IL12RB2: variants seen among roughly 807,000 people sequenced by gnomAD.
IL12RB2 encodes the protein interleukin-12 receptor subunit beta-2.
Under a neutral mutation model 89.4 loss-of-function variants are expected in IL12RB2, and 82 were observed. The ratio of observed to expected loss-of-function variants is 0.92; its 90% CI spans 0.77 to 1.10. The LOEUF (loss-of-function observed/expected upper bound fraction) is 1.10. Among genes scored for constraint, IL12RB2 ranks in the 50% least tolerant of loss-of-function variants. The pLI, the probability that IL12RB2 is intolerant of heterozygous loss-of-function variation, is 0.00. For synonymous variants in IL12RB2, 368 were observed against 370.1 expected, an observed-to-expected ratio of 0.99 and a Z score of 0.07; for missense variants, 963 against 1,031.9, an observed-to-expected ratio of 0.93 and a Z score of 0.92.
At chr1:67,310,232 A>C (rs1340169284) in intron 1 of IL12RB2, among the ~76,000 whole-genome samples, 2 of 148,174 alleles carry the variant, frequency 1.3e-5, no homozygotes, top group Admixed American at 6.7e-5. Context: ...AGGAAGTCTT[A>C]TACAATTTCC....
At chr1:67,386,354 G>C (rs1665144143) in intron 14 of IL12RB2, among the ~76,000 whole-genome samples, 1 of 152,100 alleles carries the variant, frequency 6.6e-6, no homozygotes, top group Non-Finnish European at 1.5e-5. Flanking sequence ...CTGACCCTGT[G>C]AGTCGGAGGA....
chr1:67,394,968 G>C (rs1310093109), intron 16 of IL12RB2, among the ~76,000 whole-genome samples: 1 of 152,148 alleles, frequency 6.6e-6, no homozygotes, highest in Non-Finnish European at 1.5e-5. Flanking sequence ...AGTATAGCTT[G>C]GTTCACATTA....
chr1:67,320,549 G>C (rs1012732741), intron 3 of IL12RB2, 105 bp downstream of exon 3: 1 of 1,578,006 alleles, frequency 6.3e-7, no homozygotes, highest in African/African-American at 1.3e-5. Flanking sequence ...TTGGTCTTTT[G>C]TAGTCAATCT....
At chr1:67,358,515 G>T (rs1311182696) in intron 10 of IL12RB2, among the ~76,000 whole-genome samples, 1 of 152,066 alleles carries the variant, frequency 6.6e-6, no homozygotes, top group Non-Finnish European at 1.5e-5. Context: ...GACACATGTT[G>T]CAGTGAGCCA....
chr1:67,308,867 A>C (rs1297535650), intron 1 of IL12RB2, among the ~76,000 whole-genome samples: 2 of 152,088 alleles, frequency 1.3e-5, no homozygotes, highest in Non-Finnish European at 2.9e-5. Flanking sequence ...TAAAAATACG[A>C]AAATTAGCTG....
intron 1 of IL12RB2, among the ~76,000 whole-genome samples, chr1:67,312,528 C>T (rs1214010449): frequency 6.6e-6 from 1 of 151,942 alleles, no homozygotes; most frequent in African/African-American, 2.4e-5. Context: ...CATTTCAACT[C>T]TGATTTGTTT....
Position 67,336,910 on chromosome 1 carries a change from T to C in IL12RB2, c.959-1714T>C, listed in dbSNP as rs17129805. 9.4e-3 allele frequency among the ~76,000 whole-genome samples: 1,433 copies of C among 152,314 alleles called. 21 individuals are homozygous for C. Among genetic ancestry groups the C allele is most frequent in the African/African-American group, 0.033 (1,352 of 41,574 alleles). On this transcript the variant is annotated intron_variant, in intron 8 of 16. Coordinates refer to ENST00000674203, the MANE Select transcript of IL12RB2 (RefSeq NM_001374259.2). ...AGCAAGAGCTACACTTGCTGAGCAC[T>C]CACCATGTGTCAGCACGCTCCACTG... is the stretch of plus-strand genomic sequence containing the variant.
chr1:67,322,677 G>GA (rs1179678137), intron 4 of IL12RB2, among the ~76,000 whole-genome samples: 3 of 150,834 alleles, frequency 2.0e-5, no homozygotes, highest in African/African-American at 7.3e-5. Flanking sequence ...ACAAGAGAAA[G>GA]AAGAACTTAA....
At chr1:67,359,844 T>C (rs750792859) in intron 10 of IL12RB2, among the ~76,000 whole-genome samples, 2 of 152,150 alleles carry the variant, frequency 1.3e-5, no homozygotes, top group African/African-American at 2.4e-5. Context: ...CAACACTTCT[T>C]CTTTGACCTA....
At chr1:67,311,338 G>T (rs3790558) in intron 1 of IL12RB2, among the ~76,000 whole-genome samples, 68,116 of 151,970 alleles carry the variant, frequency 0.45, 17,645 homozygotes, top group Non-Finnish European at 0.55. Flanking sequence ...ACCGATAGAA[G>T]AGGGAAAGCA....
chr1:67,395,468 C>A (rs942669039), intron 16 of IL12RB2, 79 bp from the exon 17 acceptor site: 4 of 1,612,394 alleles, frequency 2.5e-6, no homozygotes, highest in East Asian at 4.5e-5. Flanking sequence ...GGTTGTGAGG[C>A]CTTTGGGAAC....
chr1:67,321,055 A>G (rs1274811269), intron 3 of IL12RB2, among the ~76,000 whole-genome samples: 1 of 149,240 alleles, frequency 6.7e-6, no homozygotes, highest in East Asian at 1.9e-4. Context: ...CCCGCCGTCC[A>G]CAAGTTTGGT....
intron 10 of IL12RB2, among the ~76,000 whole-genome samples, chr1:67,352,199 ATAACCTTGGGT>A (rs1329603929): frequency 2.0e-5 from 3 of 152,212 alleles, no homozygotes; most frequent in Non-Finnish European, 4.4e-5. Flanking sequence ...GTATATGCAT[ATAACCTTGGGT>A]TGGTGTATGA....
intron 10 of IL12RB2, among the ~76,000 whole-genome samples, chr1:67,359,932 T>C (rs886974844): frequency 1.3e-5 from 2 of 151,952 alleles, no homozygotes. Context: ...AATCACAAAT[T>C]ACCATAGCAA....
In IL12RB2 at chr1:67,328,260, T is replaced by C; in HGVS notation, c.540T>C (p.Tyr180=). The change falls in exon 6 of 17, where the codon TAT becomes TAC. Residue 180 remains tyrosine, a synonymous_variant. Coordinates refer to ENST00000674203, the MANE Select transcript of IL12RB2 (RefSeq NM_001374259.2). ...QKQCKDIYCD[Y]LDFGINLTPE... ...AATGTAAAGACATTTATTGTGACTA[T>C]TTGGACTTTGGAATCAACCTCACCC... The C allele has an allele frequency of 6.2e-7, 1 of 1,614,178 alleles. No individual in the cohort carries two copies. Among genetic ancestry groups the C allele is most frequent in the Non-Finnish European group, 8.5e-7 (1 of 1,180,010 alleles).
intron 2 of IL12RB2, among the ~76,000 whole-genome samples, chr1:67,317,603 G>A (rs1442943001): frequency 1.3e-5 from 2 of 152,106 alleles, no homozygotes; most frequent in Admixed American, 6.6e-5. Context: ...CTTTAATCAC[G>A]TCTCCAAAGT....
chr1:67,345,051 A>G (rs1200524179), intron 9 of IL12RB2, among the ~76,000 whole-genome samples: 1 of 152,114 alleles, frequency 6.6e-6, no homozygotes, highest in Non-Finnish European at 1.5e-5. Flanking sequence ...TACGGCTGTA[A>G]TTCCAGCTAC....
At chr1:67,360,288 G>C (rs1342535479) in intron 10 of IL12RB2, among the ~76,000 whole-genome samples, 1 of 151,628 alleles carries the variant, frequency 6.6e-6, no homozygotes, top group African/African-American at 2.4e-5. Context: ...GATCCCAGCT[G>C]CTTGGGAAGC....
chr1:67,374,132 T>C (rs1049842408), intron 13 of IL12RB2, among the ~76,000 whole-genome samples: 3 of 152,240 alleles, frequency 2.0e-5, no homozygotes, highest in African/African-American at 7.2e-5. Flanking sequence ...TACACCTTGC[T>C]TTTACCTCTC....
Sources: allele counts gnomAD v4.1 joint callset (sites outside exome capture counted in the v4.1 genomes callset), GRCh38; gene constraint gnomAD v4.1.1; transcripts MANE v1.5; gene names NCBI Gene and HGNC (gene_info 2026-07-23, HGNC 2026-07-21).